The following GALNT10 variants were observed in gnomAD, a reference collection of about 807,000 sequenced individuals.
The protein encoded by GALNT10 is polypeptide N-acetylgalactosaminyltransferase 10.
GALNT10 carries 41 observed loss-of-function variants against 75.0 expected under a neutral mutation model. That is an observed-to-expected ratio of 0.55 (90% CI 0.43 to 0.71). The LOEUF (loss-of-function observed/expected upper bound fraction) is 0.71. GALNT10 is among the 30% of genes least tolerant of loss of function. GALNT10 has a pLI of 0.00. For missense variants in GALNT10, 727 were observed against 818.5 expected (o/e 0.89, Z 1.36); for synonymous variants, 302 against 313.0 (o/e 0.96, Z 0.37).
intron 2 of GALNT10, among the ~76,000 whole-genome samples, chr5:154,296,926 G>A (rs1294865315): frequency 1.3e-5 from 2 of 152,222 alleles, no homozygotes; most frequent in Non-Finnish European, 2.9e-5. Flanking sequence ...GGAGTAGTCA[G>A]AGCCCTTGGG....
chr5:154,405,312 A>G (rs537490466), intron 8 of GALNT10, among the ~76,000 whole-genome samples: 30 of 152,328 alleles, frequency 2.0e-4, no homozygotes, highest in Non-Finnish European at 3.4e-4. Flanking sequence ...CCTGAGAGCC[A>G]TCAGTGGGTG....
intron 4 of GALNT10, among the ~76,000 whole-genome samples, chr5:154,358,966 CCT>C (rs1015149577): frequency 3.9e-5 from 6 of 152,110 alleles, no homozygotes; most frequent in African/African-American, 9.7e-5. Flanking sequence ...TATTTTTTCC[CCT>C]GTTTTCTGCC....
intron 1 of GALNT10, among the ~76,000 whole-genome samples, chr5:154,225,642 G>A (rs1458401109): frequency 7.7e-6 from 1 of 129,834 alleles, no homozygotes; most frequent in East Asian, 2.9e-4. Context: ...GAGCTCAAGC[G>A]ATCCTCCCAC....
chr5:154,257,117 T>TA (rs1753626985), intron 1 of GALNT10, among the ~76,000 whole-genome samples: 1 of 151,820 alleles, frequency 6.6e-6, no homozygotes, highest in Admixed American at 6.6e-5. Flanking sequence ...TCCAAAAAAA[T>TA]AAAAAATAAA....
At chr5:154,339,649 G>T (rs569144604) in intron 4 of GALNT10, among the ~76,000 whole-genome samples, 1 of 152,118 alleles carries the variant, frequency 6.6e-6, no homozygotes, top group Admixed American at 6.5e-5. Context: ...AGTTGTTTCT[G>T]TAGTGGAAAA....
chr5:154,396,201 T>TATGAATGAATGAATGAATGA (rs5872378), intron 7 of GALNT10, among the ~76,000 whole-genome samples: 1,927 of 151,140 alleles, frequency 0.013, 46 homozygotes, highest in African/African-American at 0.044. Context: ...CCAGATCATG[T>TATGAATGAATGAATGAATGA]ATGAATGAAT....
chr5:154,386,576 G>T, intron 7 of GALNT10, 146 bp downstream of exon 7: 2 of 586,186 alleles, frequency 3.4e-6, no homozygotes, highest in Admixed American at 2.9e-5. Context: ...AGAAGACAGG[G>T]GCTCATGGGC....
intron 1 of GALNT10, chr5:154,287,622 A>G (rs1049536895): frequency 3.3e-5 from 5 of 152,202 alleles, no homozygotes; most frequent in African/African-American, 1.2e-4. Context: ...TTCCTTCCTT[A>G]AATACTTGTC....
At chr5:154,241,220 G>C (rs1395263254) in intron 1 of GALNT10, among the ~76,000 whole-genome samples, 2 of 152,190 alleles carry the variant, frequency 1.3e-5, no homozygotes, top group Non-Finnish European at 2.9e-5. Context: ...CATTCCTAAG[G>C]AGTATGGGTT....
At chr5:154,343,159 GTTGTAACCAGCT>G (rs1386425262) in intron 4 of GALNT10, among the ~76,000 whole-genome samples, 1 of 150,782 alleles carries the variant, frequency 6.6e-6, no homozygotes, top group African/African-American at 2.4e-5. Flanking sequence ...AGGAATCTGT[GTTGTAACCAGCT>G]TTCTGAGGAT....
At chr5:154,316,857 C>A (rs1475370181) in intron 3 of GALNT10, among the ~76,000 whole-genome samples, 1 of 152,184 alleles carries the variant, frequency 6.6e-6, no homozygotes, top group Non-Finnish European at 1.5e-5. Flanking sequence ...TTCAGTGAAG[C>A]CTTACTGAAG....
At chr5:154,399,728 G>A (rs895235726) in intron 7 of GALNT10, among the ~76,000 whole-genome samples, 10 of 152,156 alleles carry the variant, frequency 6.6e-5, no homozygotes, top group East Asian at 3.9e-4. Context: ...TGCCTCTTAC[G>A]GGCAGAGCAC....
chr5:154,306,331 C>A (rs1581965462), intron 3 of GALNT10, among the ~76,000 whole-genome samples: 2 of 152,166 alleles, frequency 1.3e-5, no homozygotes, highest in Non-Finnish European at 2.9e-5. Context: ...AAGTATCACT[C>A]TAACCACAAT....
intron 4 of GALNT10, among the ~76,000 whole-genome samples, chr5:154,375,313 A>C (rs1755637566): frequency 6.6e-6 from 1 of 152,200 alleles, no homozygotes; most frequent in Admixed American, 6.5e-5. Flanking sequence ...ATTAAATATG[A>C]TGTATGCTGT....
chr5:154,199,453 A>C (rs1774991804), intron 1 of GALNT10, among the ~76,000 whole-genome samples: 2 of 152,106 alleles, frequency 1.3e-5, no homozygotes, highest in South Asian at 4.1e-4. Context: ...CAGCACCCAC[A>C]GGGGAGCTCT....
intron 1 of GALNT10, among the ~76,000 whole-genome samples, chr5:154,203,345 A>G (rs987279880): frequency 7.9e-5 from 12 of 152,178 alleles, no homozygotes; most frequent in Non-Finnish European, 1.5e-5. Context: ...TAAGCCTACC[A>G]CGGTGGAATC....
chr5:154,290,258 A>ATTTTTTTTTTTTT (rs71577131), intron 1 of GALNT10, among the ~76,000 whole-genome samples: 139 of 98,898 alleles, frequency 1.4e-3, no homozygotes, highest in African/African-American at 2.4e-3. Context: ...CACTCAGCTA[A>ATTTTTTTTTTTTT]TTTTTTTTTT....
chr5:154,218,061 T>C, intron 1 of GALNT10: 3 of 984,976 alleles, frequency 3.0e-6, no homozygotes, highest in Non-Finnish European at 3.6e-6. Flanking sequence ...GGCACTGCTG[T>C]TCGACTGAGA....
intron 1 of GALNT10, among the ~76,000 whole-genome samples, chr5:154,242,438 C>T (rs1202207775): frequency 6.6e-6 from 1 of 152,142 alleles, no homozygotes; most frequent in Non-Finnish European, 1.5e-5. Context: ...TGTTGTGTCC[C>T]TCGGGCACTT....
Sources: gnomAD v4.1 joint callset for allele counts (sites outside exome capture counted in the v4.1 genomes callset) on GRCh38, gnomAD v4.1.1 for gene constraint, MANE v1.5 for transcripts, NCBI Gene and HGNC (gene_info 2026-07-23, HGNC 2026-07-21) for gene names.